Variants in DPP6 observed in about 807,000 individuals in gnomAD.
DPP6 encodes the protein A-type potassium channel modulatory protein DPP6.
DPP6 carries 69 observed loss-of-function variants against 122.6 expected under a neutral mutation model. The ratio of observed to expected loss-of-function variants is 0.56; its 90% CI spans 0.46 to 0.69. The LOEUF (loss-of-function observed/expected upper bound fraction) is 0.69, where lower values mean the gene tolerates loss of function less well. DPP6 is among the 30% of genes least tolerant of loss of function. The pLI is 0.00. For synonymous variants in DPP6, 418 were observed against 433.1 expected (o/e 0.97, Z 0.43); for missense variants, 928 against 1,116.9 (o/e 0.83, Z 2.41).
At chr7:153,902,658 A>T (rs1585007039) in intron 1 of DPP6, among the ~76,000 whole-genome samples, 1 of 152,044 alleles carries the variant, frequency 6.6e-6, no homozygotes, top group African/African-American at 2.4e-5. Flanking sequence ...AACATGGTGA[A>T]ACCCTGTCTC....
chr7:154,401,711 C>T (rs1815614113), intron 1 of DPP6, among the ~76,000 whole-genome samples: 1 of 152,116 alleles, frequency 6.6e-6, no homozygotes, highest in African/African-American at 2.4e-5. Context: ...TCTAAAACAC[C>T]AAAAGCAATG....
intron 1 of DPP6, among the ~76,000 whole-genome samples, chr7:153,972,801 CTG>C: frequency 6.6e-6 from 1 of 150,826 alleles, no homozygotes; most frequent in South Asian, 2.1e-4. Flanking sequence ...TTTGTTATCT[CTG>C]AGCCTCAGTA....
At chr7:153,880,301 AT>A in the DPP6 span, among the ~76,000 whole-genome samples, 1 of 152,214 alleles carries the variant, frequency 6.6e-6, no homozygotes, top group South Asian at 2.1e-4. Flanking sequence ...TGCTTCACTG[AT>A]TCTGTAAAAT....
chr7:154,575,039 G>T (rs1831456340), intron 5 of DPP6, among the ~76,000 whole-genome samples: 1 of 141,510 alleles, frequency 7.1e-6, no homozygotes, highest in South Asian at 2.6e-4. Context: ...TGTGGTGTGT[G>T]TGGTGTGGTG....
intron 1 of DPP6, among the ~76,000 whole-genome samples, chr7:153,934,817 A>G (rs1801351111): frequency 6.6e-6 from 1 of 152,136 alleles, no homozygotes; most frequent in African/African-American, 2.4e-5. Flanking sequence ...GCAGCGGGAG[A>G]CTGTCTGTGA....
chr7:153,989,777 C>T lies in DPP6; in HGVS notation c.51+102043C>T, dbSNP rs11767297. 9.2e-3 allele frequency among the ~76,000 whole-genome samples: 1,396 copies of T among 151,972 alleles called. 9 individuals carry two copies. The highest frequency in any genetic ancestry group is 0.02 in the Middle Eastern group (6 of 294). On this transcript the variant is annotated intron_variant, in intron 1 of 25. Transcript: ENST00000404039. ...TGGTGCGAGGTTTGCCACGTGTTAT[C>T]CCTGCATGAGAGAGCGTGGACCACT...
chr7:153,816,457 A>G, the DPP6 span, among the ~76,000 whole-genome samples: 2 of 152,204 alleles, frequency 1.3e-5, no homozygotes, highest in Admixed American at 6.5e-5. Flanking sequence ...AATTGGAAGT[A>G]ACTGTTTCCC....
At chr7:153,928,217 C>T (rs1417439116) in intron 1 of DPP6, among the ~76,000 whole-genome samples, 7 of 141,266 alleles carry the variant, frequency 5.0e-5, no homozygotes, top group Non-Finnish European at 9.3e-5. Flanking sequence ...TTCTTTTTTT[C>T]TTTTTTTTTT....
chr7:154,879,027 C>T (rs1050092051), intron 20 of DPP6, among the ~76,000 whole-genome samples: 12 of 152,226 alleles, frequency 7.9e-5, no homozygotes, highest in South Asian at 2.1e-4. Flanking sequence ...GTTTGCCAGA[C>T]GCCAGGACAT....
chr7:154,766,387 G>T (rs1795901274), intron 8 of DPP6, among the ~76,000 whole-genome samples: 1 of 151,942 alleles, frequency 6.6e-6, no homozygotes, highest in East Asian at 1.9e-4. Context: ...GCAAGATCTC[G>T]GCTCACCGCA....
chr7:154,586,783 A>T (rs1832482717), intron 5 of DPP6, among the ~76,000 whole-genome samples: 1 of 152,004 alleles, frequency 6.6e-6, no homozygotes, highest in Admixed American at 6.5e-5. Context: ...CCAGCTGGTG[A>T]TCTCTTCCAT....
At chr7:154,032,027 A>ATTT (rs59221022) in intron 1 of DPP6, among the ~76,000 whole-genome samples, 135 of 127,194 alleles carry the variant, frequency 1.1e-3, no homozygotes, top group African/African-American at 3.0e-3. Context: ...ACACCCGCCT[A>ATTT]TTTTTTTTTT....
chr7:154,738,456 T>A (rs1389287401), intron 8 of DPP6, among the ~76,000 whole-genome samples: 1 of 152,206 alleles, frequency 6.6e-6, no homozygotes, highest in Non-Finnish European at 1.5e-5. Flanking sequence ...CCCTGGGAGT[T>A]CTCCAGCCAA....
the DPP6 span, among the ~76,000 whole-genome samples, chr7:153,829,633 G>T: frequency 6.6e-6 from 1 of 152,060 alleles, no homozygotes; most frequent in Non-Finnish European, 1.5e-5. Context: ...ACTGTGTGAC[G>T]GGCAGCCTTC....
Position 153,987,892 on chromosome 7 carries a change from G to A in DPP6, c.51+100158G>A, listed in dbSNP as rs557409229. 7.2e-5 allele frequency among the ~76,000 whole-genome samples: 11 copies of A among 152,306 alleles called. No homozygotes were observed. The South Asian group carries it at 1.9e-3, about 26-fold the overall frequency. On this transcript the variant is annotated intron_variant, in intron 1 of 25. Coordinates refer to the DPP6 transcript ENST00000404039. ...TATAATTTATGAGAGCGAGGCAGCA[G>A]CATAAATACGTGGGGTGCTTTGTCA...
At chr7:154,378,994 G>A (rs929628428) in intron 1 of DPP6, among the ~76,000 whole-genome samples, 1 of 152,236 alleles carries the variant, frequency 6.6e-6, no homozygotes, top group East Asian at 1.9e-4. Context: ...AACGTGTGGG[G>A]ATTACAGTTC....
chr7:154,309,715 G>GAA (rs1003758372), intron 1 of DPP6, among the ~76,000 whole-genome samples: 1 of 151,756 alleles, frequency 6.6e-6, no homozygotes, highest in African/African-American at 2.4e-5. Flanking sequence ...GTGGTAACAG[G>GAA]AAAAAAAAGA....
intron 1 of DPP6, among the ~76,000 whole-genome samples, chr7:154,411,770 G>T (rs1451163072): frequency 6.6e-6 from 1 of 152,158 alleles, no homozygotes; most frequent in Non-Finnish European, 1.5e-5. Flanking sequence ...GGTATTGCTT[G>T]TGTGGAAATA....
chr7:154,073,451 A>T (rs1803273186), intron 1 of DPP6, among the ~76,000 whole-genome samples: 1 of 152,210 alleles, frequency 6.6e-6, no homozygotes, highest in Non-Finnish European at 1.5e-5. Context: ...CAGCCCCTGG[A>T]CCTATATCTG....
Sources: gnomAD v4.1 joint callset for allele counts (sites outside exome capture counted in the v4.1 genomes callset) on GRCh38, gnomAD v4.1.1 for gene constraint, MANE v1.5 for transcripts, NCBI Gene and HGNC (gene_info 2026-07-23, HGNC 2026-07-21) for gene names.